CACNA2D2: variants seen among roughly 807,000 people sequenced by gnomAD.
CACNA2D2 encodes the protein calcium voltage-gated channel auxiliary subunit alpha2delta 2, also known as voltage-dependent calcium channel subunit alpha-2/delta-2.
In CACNA2D2, 48 loss-of-function variants were observed where a neutral mutation model predicts 166.4. That is an observed-to-expected ratio of 0.29 (90% CI 0.23 to 0.37). The LOEUF (loss-of-function observed/expected upper bound fraction) is 0.37. CACNA2D2 is among the 10% of genes least tolerant of loss of function. The pLI is 1.00. For synonymous variants in CACNA2D2, 561 were observed against 573.7 expected (o/e 0.98, Z 0.32); for missense variants, 1,122 against 1,433.0 (o/e 0.78, Z 3.50).
At chr3:50,378,125 T>C (rs1198549042) in intron 14 of CACNA2D2, 28 bp from the exon 15 acceptor site, 9 of 1,605,268 alleles carry the variant, frequency 5.6e-6, no homozygotes, top group Non-Finnish European at 7.7e-6. Context: ...GTGGGGGTAA[T>C]GAGTGCCTTT....
At chr3:50,449,199 T>C (rs746152893) in intron 2 of CACNA2D2, among the ~76,000 whole-genome samples, 3 of 152,218 alleles carry the variant, frequency 2.0e-5, no homozygotes, top group Non-Finnish European at 2.9e-5. Flanking sequence ...GGCTGCCTCA[T>C]TGAGGGGCTC....
chr3:50,470,263 C>T (rs1710010389), intron 2 of CACNA2D2, among the ~76,000 whole-genome samples: 2 of 152,330 alleles, frequency 1.3e-5, no homozygotes, highest in Non-Finnish European at 2.9e-5. Context: ...AGAGAGGAGG[C>T]CTGACAGGGA....
chr3:50,408,656 G>A (rs1706838963), intron 3 of CACNA2D2, among the ~76,000 whole-genome samples: 1 of 152,246 alleles, frequency 6.6e-6, no homozygotes, highest in Non-Finnish European at 1.5e-5. Flanking sequence ...GTTTGTCAGA[G>A]CCGTGGGACA....
In CACNA2D2 at chr3:50,499,860, T is replaced by C. The variant is rs1008182770; in HGVS notation, c.206+3358A>G. Among the ~76,000 whole-genome samples the C allele has an allele frequency of 6.6e-5, 10 of 152,174 alleles. No homozygotes were observed. In the South Asian group the frequency reaches 2.1e-3, roughly 32 times the overall value. On this transcript the variant is annotated intron_variant, in intron 1 of 37. Coordinates refer to ENST00000424201, the MANE Select transcript of CACNA2D2 (RefSeq NM_006030.4). ...ACCAAAAGGAGGTGCCTGATAAAGA[T>C]GGAGTCCAGGGGAACAGCAGCCAAG...
chr3:50,378,351 G>A lies in CACNA2D2; in HGVS notation c.1340-18C>T, dbSNP rs913924281. The A allele has an allele frequency of 9.7e-6, 15 of 1,551,220 alleles. No individual in the cohort carries two copies. Among genetic ancestry groups the A allele is most frequent in the East Asian group, 4.9e-5 (2 of 40,926 alleles). ...ATAGTAGCCTGTGAAGGAAGGAGAG[G>A]CAGAGGTGGGCCTGGCTGGCACTGC... On this transcript the variant is annotated intron_variant, in intron 13 of 37. Coordinates refer to ENST00000424201, the MANE Select transcript of CACNA2D2 (RefSeq NM_006030.4).
chr3:50,453,766 G>A (rs954184866), intron 2 of CACNA2D2, among the ~76,000 whole-genome samples: 2 of 152,202 alleles, frequency 1.3e-5, no homozygotes, highest in Non-Finnish European at 2.9e-5. Flanking sequence ...ACTCCATGGA[G>A]GATGTCTTGA....
intron 3 of CACNA2D2, among the ~76,000 whole-genome samples, chr3:50,409,908 C>T (rs1358897849): frequency 3.3e-5 from 5 of 152,210 alleles, no homozygotes; most frequent in African/African-American, 7.2e-5. Context: ...ATTCCCTCCA[C>T]GATCTCAGGG....
At chr3:50,422,031 C>T (rs893319052) in intron 3 of CACNA2D2, among the ~76,000 whole-genome samples, 10 of 152,100 alleles carry the variant, frequency 6.6e-5, no homozygotes, top group African/African-American at 1.9e-4. Flanking sequence ...AGTCTGCTCC[C>T]GCCAGAGATC....
rs1203632606 is a variant in CACNA2D2 at position 50,427,117 on chromosome 3, C to T, written c.405+7196G>A. Reference sequence around the variant, plus strand: ...GGACACTTGGGTTTACCGTCCCTTCCGCAGACATCCAGGCCACCTCGTCCA... The same window carrying T: ...GGACACTTGGGTTTACCGTCCCTTCTGCAGACATCCAGGCCACCTCGTCCA... On this transcript the variant is annotated intron_variant, in intron 3 of 37. Transcript: ENST00000424201. This position sits in a 1 kb window ranked among gnomAD's most constrained non-coding sequence, Gnocchi z 4.7. Among the ~76,000 whole-genome samples, 6 of 152,338 alleles carry T rather than the reference C, an allele frequency of 3.9e-5. No homozygotes were observed. The highest frequency in any genetic ancestry group is 3.9e-4 in the East Asian group (2 of 5,176).
chr3:50,405,299 G>A lies in CACNA2D2; in HGVS notation c.406-11131C>T, dbSNP rs58810609. On this transcript the variant is annotated intron_variant, in intron 3 of 37. Transcript: ENST00000424201. ...GTTGCCTGTTTTGGGGAAGGGACGTGGAATGGAGTCGTGGGTTGCACTGGG... is the reference window on the plus strand; with the variant it reads ...GTTGCCTGTTTTGGGGAAGGGACGTAGAATGGAGTCGTGGGTTGCACTGGG... 1.5e-4 allele frequency among the ~76,000 whole-genome samples: 23 copies of A among 151,198 alleles called. No individual in the cohort carries two copies. The East Asian group carries it at 4.5e-3, about 30-fold the overall frequency.
intron 2 of CACNA2D2, among the ~76,000 whole-genome samples, chr3:50,445,819 T>G (rs1276809990): frequency 6.6e-6 from 1 of 152,186 alleles, no homozygotes; most frequent in Non-Finnish European, 1.5e-5. Context: ...ACCCAAAGCT[T>G]TCCTAGAGCT....
intron 1 of CACNA2D2, among the ~76,000 whole-genome samples, chr3:50,493,683 C>T (rs770621974): frequency 6.6e-6 from 1 of 152,214 alleles, no homozygotes; most frequent in Non-Finnish European, 1.5e-5. Context: ...CAGCCAAATG[C>T]GCTCCTCAGA....
intron 1 of CACNA2D2, among the ~76,000 whole-genome samples, chr3:50,487,816 C>A (rs1346323522): frequency 6.6e-6 from 1 of 152,156 alleles, no homozygotes; most frequent in Non-Finnish European, 1.5e-5. Context: ...TCTGTAAATT[C>A]CCAACTAGCT....
Position 50,379,713 on chromosome 3 carries a change from C to T in CACNA2D2, c.993+12G>A. 1 of 1,613,448 alleles carries T rather than the reference C, an allele frequency of 6.2e-7. No homozygotes were observed. Among genetic ancestry groups the T allele is most frequent in the Non-Finnish European group, 8.5e-7 (1 of 1,179,678 alleles). ...TGACCCATTTCACCCCGTCTGCCACCTTGGCACTCACCGAGGCCACATTCA... is the reference window on the plus strand; with the variant it reads ...TGACCCATTTCACCCCGTCTGCCACTTTGGCACTCACCGAGGCCACATTCA... On this transcript the variant is annotated intron_variant, in intron 10 of 37. Transcript: ENST00000424201. This position sits in a 1 kb window ranked among gnomAD's most constrained non-coding sequence, Gnocchi z 6.5.
chr3:50,385,552 T>G (rs1705556504), intron 5 of CACNA2D2, among the ~76,000 whole-genome samples: 1 of 152,158 alleles, frequency 6.6e-6, no homozygotes, highest in Non-Finnish European at 1.5e-5. Flanking sequence ...AGATGCGCTC[T>G]CCACACCACA....
intron 2 of CACNA2D2, among the ~76,000 whole-genome samples, chr3:50,467,385 TG>T (rs1282968969): frequency 1.3e-5 from 2 of 152,134 alleles, no homozygotes; most frequent in Non-Finnish European, 2.9e-5. Context: ...AGTTTCTCCA[TG>T]GGGGCAGATG....
chr3:50,394,937 G>T (rs72936957), intron 3 of CACNA2D2, among the ~76,000 whole-genome samples: 1 of 152,180 alleles, frequency 6.6e-6, no homozygotes, highest in Admixed American at 6.5e-5. Flanking sequence ...GCAGTGCTGT[G>T]GGGGCTCGGG....
chr3:50,493,022 G>A (rs939628189), intron 1 of CACNA2D2, among the ~76,000 whole-genome samples: 10 of 152,242 alleles, frequency 6.6e-5, no homozygotes, highest in South Asian at 2.1e-4. Context: ...ATATACCACC[G>A]GGGGCCCAGC....
chr3:50,485,851 A>C (rs1575766197), intron 1 of CACNA2D2, among the ~76,000 whole-genome samples: 1 of 152,214 alleles, frequency 6.6e-6, no homozygotes, highest in Non-Finnish European at 1.5e-5. Flanking sequence ...AGCGAGAGGC[A>C]CTAACAAACA....
Sources: gnomAD v4.1 joint callset for allele counts (sites outside exome capture counted in the v4.1 genomes callset) on GRCh38, gnomAD v4.1.1 for gene constraint, Gnocchi (gnomAD v3.1) non-coding constraint, MANE v1.5 for transcripts, NCBI Gene and HGNC (gene_info 2026-07-23, HGNC 2026-07-21) for gene names.